Variants in ACKR4 observed in about 807,000 individuals in gnomAD.
ACKR4 encodes the protein atypical chemokine receptor 4, also known as C-C CKR-11.
In ACKR4, 2 loss-of-function variants were observed where a neutral mutation model predicts 8.5. The ratio of observed to expected loss-of-function variants is 0.23; its 90% CI spans 0.10 to 0.74. ACKR4 has a LOEUF of 0.74. Among genes scored for constraint, ACKR4 ranks in the 30% least tolerant of loss-of-function variants. ACKR4 has a pLI of 0.75. For synonymous variants in ACKR4, 67 were observed against 145.0 expected, an observed-to-expected ratio of 0.46 and a Z score of 3.86; for missense variants, 167 against 422.1, an observed-to-expected ratio of 0.40 and a Z score of 5.30.
intron 1 of ACKR4, among the ~76,000 whole-genome samples, chr3:132,598,266 A>G (rs1202784259): frequency 6.6e-6 from 1 of 152,228 alleles, no homozygotes; most frequent in African/African-American, 2.4e-5. Flanking sequence ...AAAACTTACG[A>G]ATTCTGTGCA....
chr3:132,600,784 T>G lies in ACKR4; in HGVS notation c.387T>G (p.Phe129Leu), dbSNP rs1181629249. Reference protein sequence around the residue: ...YTLNFVSGMQFLACISIDRYV... With the variant: ...YTLNFVSGMQLLACISIDRYV... ...TAAACTTTGTCTCTGGAATGCAGTTTCTGGCTTGTATCAGCATAGACAGAT... is the reference window on the plus strand; with the variant it reads ...TAAACTTTGTCTCTGGAATGCAGTTGCTGGCTTGTATCAGCATAGACAGAT... Residue 129 changes from phenylalanine (F) to leucine (L), a missense_variant, in exon 2 of 2, where the codon TTT becomes TTG. Physicochemically the swap from Phe to Leu is conservative, Grantham distance 22. Coordinates refer to ENST00000249887, the MANE Select transcript of ACKR4 (RefSeq NM_016557.4). The G allele has an allele frequency of 6.2e-7, 1 of 1,613,924 alleles. No individual in the cohort carries two copies. The highest frequency in any genetic ancestry group is 8.5e-7 in the Non-Finnish European group (1 of 1,179,874).
rs1938582531 is a variant in ACKR4, at chr3:132,601,281, A to C, written c.884A>C (p.His295Pro). ...GTCACAGAAAGCATCGCACTCTTTCACAGCTGCCTCAACCCAATCCTTTAT... is the reference window on the plus strand; with the variant it reads ...GTCACAGAAAGCATCGCACTCTTTCCCAGCTGCCTCAACCCAATCCTTTAT... ...IQVTESIALF[H>P]SCLNPILYVF... Residue 295 changes from histidine to proline, a missense_variant, in exon 2 of 2, where the codon CAC (histidine) becomes CCC (proline). His to Pro is a moderately conservative substitution (Grantham distance 77). This residue lies in a region of ACKR4 where 18 missense variants were observed against 140.2 expected (regional missense o/e 0.13). Coordinates refer to ENST00000249887, the MANE Select transcript of ACKR4 (RefSeq NM_016557.4). 1 of 1,613,888 alleles carries C rather than the reference A, an allele frequency of 6.2e-7. No individual in the cohort carries two copies. The highest frequency in any genetic ancestry group is 1.7e-5 in the Admixed American group (1 of 60,000).
chr3:132,599,146 C>G (rs1217851443), intron 1 of ACKR4, among the ~76,000 whole-genome samples: 1 of 151,902 alleles, frequency 6.6e-6, no homozygotes, highest in Non-Finnish European at 1.5e-5. Context: ...AACCCCGTCT[C>G]TATCAAAAAT....
intron 1 of ACKR4, among the ~76,000 whole-genome samples, chr3:132,598,250 C>T (rs538492831): frequency 1.1e-3 from 168 of 152,282 alleles, no homozygotes; most frequent in Middle Eastern, 6.8e-3. Flanking sequence ...TTATTTTATA[C>T]ATTCCAAAAC....
chr3:132,601,044 T>C lies in ACKR4; in HGVS notation c.647T>C (p.Met216Thr), dbSNP rs1434355557. The change falls in exon 2 of 2, where the codon ATG (methionine) becomes ACG (threonine). Residue 216 changes from methionine to threonine, a missense_variant. Physicochemically the swap from Met to Thr is moderately conservative, Grantham distance 81 (BLOSUM62 -1). This residue lies in a region of ACKR4 where 149 missense variants were observed against 281.9 expected (regional missense o/e 0.53). Transcript: ENST00000249887. ...GGATTTGTAGTACCCTTTCTTATTA[T>C]GGGGGTGTGCTACTTTATCACAGCA... ...CIGFVVPFLIMGVCYFITART... is the reference protein window; with the variant it reads ...CIGFVVPFLITGVCYFITART... 3.1e-6 allele frequency: 5 copies of C among 1,613,858 alleles called. No individual in the cohort carries two copies. Among genetic ancestry groups the C allele is most frequent in the Non-Finnish European group, 4.2e-6 (5 of 1,179,866 alleles).
Position 132,602,472 on chromosome 3 carries a change from A to G in ACKR4, c.*1022A>G, listed in dbSNP as rs148663258. Among the ~76,000 whole-genome samples the G allele has an allele frequency of 4.7e-3, 719 of 152,260 alleles. 9 individuals carry two copies. Among genetic ancestry groups the G allele is most frequent in the African/African-American group, 0.015 (642 of 41,564 alleles). On this transcript the variant is annotated 3_prime_UTR_variant, in exon 2 of 2. Coordinates refer to ENST00000249887, the MANE Select transcript of ACKR4 (RefSeq NM_016557.4). ...CATTATCCCATGCATAAAATGTCCTATTTTCATTTAAACACTTTATTTTTG... is the reference window on the plus strand; with the variant it reads ...CATTATCCCATGCATAAAATGTCCTGTTTTCATTTAAACACTTTATTTTTG...
Position 132,600,674 on chromosome 3 carries a change from A to T in ACKR4, c.277A>T (p.Thr93Ser), listed in dbSNP as rs1938537988. The T allele has an allele frequency of 6.2e-7, 1 of 1,613,494 alleles. No homozygotes were observed. The highest frequency in any genetic ancestry group is 1.1e-5 in the South Asian group (1 of 91,014). The change falls in exon 2 of 2, where the codon ACT becomes TCT. Residue 93 changes from threonine (T) to serine (S), a missense_variant. Thr to Ser is a moderately conservative substitution (Grantham distance 58). This residue lies in a region of ACKR4 where 149 missense variants were observed against 281.9 expected (regional missense o/e 0.53). Coordinates refer to ENST00000249887, the MANE Select transcript of ACKR4 (RefSeq NM_016557.4). ...TGTAGCAGATTTACTCCTTCTATTC[A>T]CTCTGCCTTTTTGGGCTGTTAATGC... ...LAVADLLLLF[T>S]LPFWAVNAVH...
intron 1 of ACKR4, among the ~76,000 whole-genome samples, chr3:132,597,888 C>A (rs1334422916): frequency 6.6e-6 from 1 of 152,028 alleles, no homozygotes; most frequent in Non-Finnish European, 1.5e-5. Context: ...AACATGAAGA[C>A]CAGAGTAGTC....
Position 132,601,478 on chromosome 3 carries a change from G to GA in ACKR4, c.*29dup. Reference sequence around the variant, plus strand: ...GTAAAACTGCTCTGCCTTTTGCTTGGATACATATGAATGATGCTTTCCCCT... The same window carrying GA: ...GTAAAACTGCTCTGCCTTTTGCTTGGAATACATATGAATGATGCTTTCCCCT... On this transcript the variant is annotated 3_prime_UTR_variant, in exon 2 of 2. Coordinates refer to ENST00000249887, the MANE Select transcript of ACKR4 (RefSeq NM_016557.4). 1.0e-6 allele frequency: 1 copy of GA among 979,334 alleles called. No homozygotes were observed. Among genetic ancestry groups the GA allele is most frequent in the Non-Finnish European group, 1.6e-6 (1 of 642,996 alleles). The allele number at this position is 979,334 out of a possible 1,614,324, so 60.7% of individuals were successfully genotyped here.
Position 132,602,561 on chromosome 3 carries a change from A to G in ACKR4, c.*1111A>G, listed in dbSNP as rs1034126274. 2.0e-5 allele frequency among the ~76,000 whole-genome samples: 3 copies of G among 152,154 alleles called. No homozygotes were observed. The highest frequency in any genetic ancestry group is 4.4e-5 in the Non-Finnish European group (3 of 68,026). ...TAACATGTACAGCTTATCTTTTTTA[A>G]AAAAATTTGCTGTAAATTATTATAA... is the stretch of plus-strand genomic sequence containing the variant. On this transcript the variant is annotated 3_prime_UTR_variant, in exon 2 of 2. Coordinates refer to ENST00000249887, the MANE Select transcript of ACKR4 (RefSeq NM_016557.4).
chr3:132,600,027 T>C (rs1938498537), intron 1 of ACKR4, among the ~76,000 whole-genome samples: 2 of 152,334 alleles, frequency 1.3e-5, no homozygotes, highest in East Asian at 1.9e-4. Flanking sequence ...TAACACTATT[T>C]ATTCTTTTTA....
At chr3:132,598,866 G>A (rs1474189810) in intron 1 of ACKR4, among the ~76,000 whole-genome samples, 1 of 152,186 alleles carries the variant, frequency 6.6e-6, no homozygotes, top group Non-Finnish European at 1.5e-5. Context: ...CTTGGATTGT[G>A]GCTTTCAGGT....
In ACKR4 at chr3:132,602,523, AATT is replaced by A. The variant is rs1364220596; in HGVS notation, c.*1077_*1079del. The stretch of plus-strand genomic sequence containing the variant: ...AGTAATAAAAATATGTACCACAATA[AATT>A]ATTGTTAATTAACATGTACAGCTTA... On this transcript the variant is annotated 3_prime_UTR_variant, in exon 2 of 2. Coordinates refer to ENST00000249887, the MANE Select transcript of ACKR4 (RefSeq NM_016557.4). Among the ~76,000 whole-genome samples, 1 of 152,174 alleles carries A rather than the reference AATT, an allele frequency of 6.6e-6. No homozygotes were observed. Among genetic ancestry groups the A allele is most frequent in the African/African-American group, 2.4e-5 (1 of 41,430 alleles).
chr3:132,598,804 G>A (rs868192853), intron 1 of ACKR4, among the ~76,000 whole-genome samples: 1 of 152,190 alleles, frequency 6.6e-6, no homozygotes, highest in Non-Finnish European at 1.5e-5. Flanking sequence ...GGTGGCAGGA[G>A]CCATGGATGG....
In ACKR4 at chr3:132,600,380, G is replaced by A. The variant is rs759715558; in HGVS notation, c.-9-9G>A. The A allele has an allele frequency of 1.9e-6, 3 of 1,559,220 alleles. 1 individual carries two copies. In the South Asian group the frequency reaches 3.7e-5, roughly 19 times the overall value. On this transcript the variant is annotated splice_polypyrimidine_tract_variant and intron_variant, in intron 1 of 1. Transcript: ENST00000249887. ...CAAATATCTATCCTGTATTCTCTTT[G>A]CCATCTAGATTGGAGCCATGGCTTT...
Position 132,601,210 on chromosome 3 carries a change from G to C in ACKR4, c.813G>C (p.Leu271=). ...FCRAIDIIYS[L]ITSCNMSKRM... is the part of the protein sequence containing the mutation. ...GAGCCATAGACATCATCTACTCCCT[G>C]ATCACCAGCTGCAACATGAGCAAAC... The change falls in exon 2 of 2, where the codon CTG becomes CTC. Residue 271 remains leucine, a synonymous_variant. Coordinates refer to ENST00000249887, the MANE Select transcript of ACKR4 (RefSeq NM_016557.4). 1 of 1,613,688 alleles carries C rather than the reference G, an allele frequency of 6.2e-7. No individual in the cohort carries two copies. The highest frequency in any genetic ancestry group is 1.7e-4 in the Middle Eastern group (1 of 6,056).
At chr3:132,598,500 C>T (rs1054220549) in intron 1 of ACKR4, among the ~76,000 whole-genome samples, 7 of 152,184 alleles carry the variant, frequency 4.6e-5, no homozygotes, top group Admixed American at 3.9e-4. Context: ...CTTTGAGGAA[C>T]TTAAAACCTA....
chr3:132,597,727 T>G (rs1421838962), intron 1 of ACKR4, among the ~76,000 whole-genome samples: 3 of 152,104 alleles, frequency 2.0e-5, no homozygotes, highest in African/African-American at 4.8e-5. Flanking sequence ...TTTACTCACA[T>G]TTTTAGTAAG....
At chr3:132,598,676 T>C (rs145672494) in intron 1 of ACKR4, among the ~76,000 whole-genome samples, 10 of 152,174 alleles carry the variant, frequency 6.6e-5, no homozygotes, top group African/African-American at 2.4e-4. Context: ...AATTGTATGG[T>C]AGATAAAGGA....
Sources: gnomAD v4.1 joint callset for allele counts (sites outside exome capture counted in the v4.1 genomes callset) on GRCh38, gnomAD v4.1.1 for gene constraint, gnomAD v4.1.1 regional missense constraint, MANE v1.5 for transcripts, NCBI Gene and HGNC (gene_info 2026-07-23, HGNC 2026-07-21) for gene names.